Variants in SENP2 observed in about 807,000 individuals in gnomAD.
SENP2 encodes sentrin-specific protease 2.
Under a neutral mutation model 86.3 loss-of-function variants are expected in SENP2, and 16 were observed. The ratio of observed to expected loss-of-function variants is 0.19; its 90% confidence interval spans 0.13 to 0.28. SENP2 has a LOEUF of 0.28. SENP2 is among the 10% of genes least tolerant of loss of function. SENP2 has a pLI of 1.00. For synonymous variants in SENP2, 222 were observed against 238.7 expected, an observed-to-expected ratio of 0.93 and a Z score of 0.64; for missense variants, 552 against 703.0, an observed-to-expected ratio of 0.79 and a Z score of 2.43.
Position 185,612,663 on chromosome 3 carries a change from G to A in SENP2, c.869+5G>A, listed in dbSNP as rs753581959. 15 of 1,589,218 alleles carry A rather than the reference G, an allele frequency of 9.4e-6. No individual in the cohort carries two copies. Among genetic ancestry groups the A allele is most frequent in the East Asian group, 4.5e-5 (2 of 44,738 alleles). On this transcript the variant is annotated splice_donor_5th_base_variant and intron_variant, in intron 9 of 16. Coordinates refer to ENST00000296257, the MANE Select transcript of SENP2 (RefSeq NM_021627.3). ...TTCATTGAGAAGTGAAAAGAGGTACGTACATTCAGTTCATTCTACACTTTC... is the reference window on the plus strand; with the variant it reads ...TTCATTGAGAAGTGAAAAGAGGTACATACATTCAGTTCATTCTACACTTTC...
chr3:185,629,679 A>G, intron 16 of SENP2, 103 bp from the exon 17 acceptor site: 2 of 1,131,520 alleles, frequency 1.8e-6, no homozygotes, highest in Non-Finnish European at 1.3e-6. Context: ...ACACTTAGAA[A>G]AAGCACATGG....
At chr3:185,593,459 G>A (rs780931273) in intron 2 of SENP2, among the ~76,000 whole-genome samples, 24 of 152,086 alleles carry the variant, frequency 1.6e-4, no homozygotes, top group Non-Finnish European at 2.8e-4. Flanking sequence ...CATTAGAACA[G>A]TATTTCCCAA....
intron 6 of SENP2, among the ~76,000 whole-genome samples, chr3:185,608,199 G>A (rs1174701893): frequency 6.6e-6 from 1 of 152,206 alleles, no homozygotes; most frequent in Non-Finnish European, 1.5e-5. Flanking sequence ...TATTTGATAA[G>A]GAGGCAGAGA....
In SENP2 at chr3:185,623,977, CTTCT is replaced by C; in HGVS notation, c.1527-18_1527-15del. ...TCTTTAGGGATTTATTGATGTATTC[CTTCT>C]TTGTTTTGCTTTTTAGTCAGTATTT... On this transcript the variant is annotated splice_polypyrimidine_tract_variant and intron_variant, in intron 14 of 16. Transcript: ENST00000296257. The C allele has an allele frequency of 6.9e-7, 1 of 1,451,456 alleles. No homozygotes were observed. Among genetic ancestry groups the C allele is most frequent in the Non-Finnish European group, 9.6e-7 (1 of 1,039,226 alleles). 89.9% of individuals were successfully genotyped at this position (1,451,456 alleles called of 1,614,324 possible). A position where few individuals can be genotyped will look rare whatever the true frequency, so the allele number is the denominator to read the frequency against.
At chr3:185,604,758 C>G (rs1722456352) in intron 5 of SENP2, among the ~76,000 whole-genome samples, 1 of 151,032 alleles carries the variant, frequency 6.6e-6, no homozygotes, top group Non-Finnish European at 1.5e-5. Flanking sequence ...TATTTTTTTT[C>G]TTTTCTTTTT....
intron 12 of SENP2, among the ~76,000 whole-genome samples, 158 bp downstream of exon 12, chr3:185,617,769 T>C (rs1041896447): frequency 1.3e-5 from 2 of 152,240 alleles, no homozygotes; most frequent in Non-Finnish European, 1.5e-5. Flanking sequence ...TGGTTAGTTC[T>C]GATTTTCTGC....
At chr3:185,601,017 G>A (rs1268360966) in intron 5 of SENP2, among the ~76,000 whole-genome samples, 162 bp downstream of exon 5, 1 of 150,568 alleles carries the variant, frequency 6.6e-6, no homozygotes, top group African/African-American at 2.4e-5. Flanking sequence ...GAACTTAGGG[G>A]TGTGTTATAT....
At chr3:185,588,622 T>C (rs1721878508) in intron 1 of SENP2, among the ~76,000 whole-genome samples, 1 of 152,256 alleles carries the variant, frequency 6.6e-6, no homozygotes, top group Non-Finnish European at 1.5e-5. Context: ...GATTGGTTGT[T>C]GGCTAAATTG....
At position 185,621,715 on chromosome 3, in the gene SENP2, A is replaced by G. The variant is rs1247438155; in HGVS notation, c.1447-111A>G. On this transcript the variant is annotated intron_variant, in intron 13 of 16. Transcript: ENST00000296257. ...TAAATGGATTTCTAAGATACATAAAAAATTTATATTGGTACATGTATTTTT... is the reference window on the plus strand; with the variant it reads ...TAAATGGATTTCTAAGATACATAAAGAATTTATATTGGTACATGTATTTTT... 5 of 621,872 alleles carry G rather than the reference A, an allele frequency of 8.0e-6. No homozygotes were observed. In the South Asian group the frequency reaches 8.2e-5, roughly 10 times the overall value. 38.5% of individuals were successfully genotyped at this position (621,872 alleles called of 1,614,324 possible).
At chr3:185,596,510 A>G (rs1327319374) in intron 2 of SENP2, among the ~76,000 whole-genome samples, 1 of 151,682 alleles carries the variant, frequency 6.6e-6, no homozygotes. Flanking sequence ...GATCCCAGCT[A>G]CTCAGGAGAC....
intron 2 of SENP2, among the ~76,000 whole-genome samples, chr3:185,590,725 G>A (rs1425531274): frequency 2.7e-5 from 4 of 148,190 alleles, no homozygotes; most frequent in South Asian, 2.2e-4. Context: ...AATTAGCCAA[G>A]TGGTGCACGC....
chr3:185,621,469 A>C (rs1711887428), intron 13 of SENP2, among the ~76,000 whole-genome samples: 1 of 137,954 alleles, frequency 7.2e-6, no homozygotes, highest in Non-Finnish European at 1.5e-5. Context: ...GGCTCACTGC[A>C]ACCTCTGCCT....
At chr3:185,592,034 T>TTTTTTTTTTTTAG (rs1722024459) in intron 2 of SENP2, among the ~76,000 whole-genome samples, 1 of 114,586 alleles carries the variant, frequency 8.7e-6, no homozygotes, top group African/African-American at 3.6e-5. Context: ...TTTTTTTTTT[T>TTTTTTTTTTTTAG]GAGACAGGAT....
chr3:185,613,507 G>T, intron 10 of SENP2, 99 bp downstream of exon 10: 1 of 701,010 alleles, frequency 1.4e-6, no homozygotes, highest in South Asian at 2.0e-5. Flanking sequence ...ATATAACTTT[G>T]ATTGTTAATT....
intron 14 of SENP2, among the ~76,000 whole-genome samples, chr3:185,622,527 A>G (rs1007911779): frequency 2.6e-5 from 4 of 152,200 alleles, no homozygotes; most frequent in African/African-American, 9.7e-5. Flanking sequence ...GTTGCTAACA[A>G]TAATATTGTT....
chr3:185,606,317 T>G lies in SENP2; in HGVS notation c.450-13T>G. ...TTGGTGATACTTTTTTTCTTTTTTT[T>G]TCTGTTGCTCAGTTTTACTTTGAAC... On this transcript the variant is annotated splice_polypyrimidine_tract_variant and intron_variant, in intron 5 of 16. Coordinates refer to ENST00000296257, the MANE Select transcript of SENP2 (RefSeq NM_021627.3). 6.3e-7 allele frequency: 1 copy of G among 1,576,694 alleles called. No homozygotes were observed. The highest frequency in any genetic ancestry group is 1.2e-5 in the South Asian group (1 of 84,090).
chr3:185,622,318 C>T (rs867201708), intron 14 of SENP2, among the ~76,000 whole-genome samples: 2 of 152,162 alleles, frequency 1.3e-5, no homozygotes, highest in Non-Finnish European at 2.9e-5. Context: ...TTTGAGGAGA[C>T]TGTTTCAAAT....
intron 5 of SENP2, among the ~76,000 whole-genome samples, chr3:185,604,681 A>G (rs1204811743): frequency 2.0e-5 from 3 of 152,042 alleles, no homozygotes; most frequent in African/African-American, 7.2e-5. Flanking sequence ...TCATATATAC[A>G]TATTGTTTTG....
chr3:185,608,286 A>G (rs1411130986), intron 6 of SENP2, among the ~76,000 whole-genome samples: 2 of 152,218 alleles, frequency 1.3e-5, no homozygotes, highest in Admixed American at 6.5e-5. Context: ...GAAATCAGAA[A>G]TGGGACTGAG....
Sources: allele counts gnomAD v4.1 joint callset (sites outside exome capture counted in the v4.1 genomes callset), GRCh38; gene constraint gnomAD v4.1.1; transcripts MANE v1.5; gene names NCBI Gene and HGNC (gene_info 2026-07-23, HGNC 2026-07-21).